Variants in DMD observed in about 807,000 individuals in gnomAD.
DMD encodes dystrophin.
Under a neutral mutation model 330.1 loss-of-function variants are expected in DMD, and 63 were observed. The ratio of observed to expected loss-of-function variants is 0.19; its 90% CI spans 0.16 to 0.24. The LOEUF (loss-of-function observed/expected upper bound fraction) is 0.24. Ranked by LOEUF, DMD falls within the 10% of genes least tolerant of loss-of-function variation. The probability of loss-of-function intolerance (pLI) is 1.00; values close to 1 mark genes in which losing one functional copy is unlikely to be tolerated. For missense variants in DMD, 3,344 were observed against 2,684.1 expected (o/e 1.25, Z -5.43); for synonymous variants, 1,223 against 959.8 (o/e 1.27, Z -5.07).
chrX:32,866,158 G>A (rs2082462042), intron 2 of DMD, among the ~76,000 whole-genome samples: 2 of 112,080 alleles, frequency 1.8e-5, no homozygotes, highest in Admixed American at 1.9e-4. Context: ...TGCCCTAGTT[G>A]TCCCAGATGA....
At chrX:32,226,980 C>T (rs930183774) in intron 43 of DMD, among the ~76,000 whole-genome samples, 3 of 108,180 alleles carry the variant, frequency 2.8e-5, no homozygotes, top group African/African-American at 1.0e-4. Context: ...AAGTTCAACA[C>T]CATCCTAAAA....
chrX:33,116,436 G>C (rs1226857456), intron 1 of DMD, among the ~76,000 whole-genome samples: 1 of 110,670 alleles, frequency 9.0e-6, no homozygotes, highest in Non-Finnish European at 1.9e-5. Flanking sequence ...TTGAACTCAG[G>C]AGGTCAAGGG....
intron 39 of DMD, 67 bp downstream of exon 39, chrX:32,345,876 T>A: frequency 8.8e-7 from 1 of 1,133,736 alleles, no homozygotes; most frequent in Non-Finnish European, 1.2e-6. Flanking sequence ...TTAATGCACA[T>A]TATATTTTAC....
intron 60 of DMD, among the ~76,000 whole-genome samples, chrX:31,370,281 G>C (rs1307789726): frequency 9.0e-6 from 1 of 111,031 alleles, no homozygotes; most frequent in African/African-American, 3.3e-5. Context: ...GAAAACATTT[G>C]AAAACCCTAT....
intron 2 of DMD, among the ~76,000 whole-genome samples, chrX:32,951,691 T>C (rs2091256319): frequency 8.9e-6 from 1 of 111,765 alleles, no homozygotes; most frequent in African/African-American, 3.3e-5. Flanking sequence ...CAAGAAAAAC[T>C]GAAAGAGACT....
Position 32,474,911 on chromosome X carries a change from T to C in DMD, c.2804-2602A>G, listed in dbSNP as rs145902518. 3.3e-3 allele frequency among the ~76,000 whole-genome samples: 373 copies of C among 111,856 alleles called. 3 individuals carry two copies. In the South Asian group the frequency reaches 0.056, roughly 17 times the overall value. On this transcript the variant is annotated intron_variant, in intron 21 of 78. Transcript: ENST00000357033. ...TTTATTACATTTGCTTTTGGGTTCCTGGTCATGAAATCCTTGCCTAAGCCA... is the reference window on the plus strand; with the variant it reads ...TTTATTACATTTGCTTTTGGGTTCCCGGTCATGAAATCCTTGCCTAAGCCA...
chrX:32,367,622 G>A (rs2097858898), intron 34 of DMD, among the ~76,000 whole-genome samples: 1 of 111,842 alleles, frequency 8.9e-6, no homozygotes, highest in Non-Finnish European at 1.9e-5. Context: ...GAACTTAGGG[G>A]ATAATGTTGC....
intron 51 of DMD, among the ~76,000 whole-genome samples, chrX:31,763,985 G>A (rs761777684): frequency 9.0e-6 from 1 of 111,155 alleles, no homozygotes; most frequent in East Asian, 2.8e-4. Context: ...AAGAGATCAT[G>A]TCACCTCAGC....
intron 7 of DMD, among the ~76,000 whole-genome samples, chrX:32,724,986 G>A (rs141379267): frequency 0.023 from 2,517 of 111,553 alleles, 34 homozygotes; most frequent in Middle Eastern, 0.033. Context: ...AGCTTAGTGC[G>A]TAAATAACAC....
At chrX:32,852,853 T>G (rs1181225775) in intron 2 of DMD, among the ~76,000 whole-genome samples, 2 of 109,912 alleles carry the variant, frequency 1.8e-5, no homozygotes, top group Non-Finnish European at 3.8e-5. Context: ...TATTGTGGCT[T>G]GGGTGCCAGC....
chrX:32,051,300 C>T (rs988201751), intron 44 of DMD, among the ~76,000 whole-genome samples: 3 of 110,271 alleles, frequency 2.7e-5, no homozygotes. Context: ...GAAAAAATAA[C>T]CCCATAATTT....
chrX:32,721,520 C>T (rs184244678), intron 7 of DMD, among the ~76,000 whole-genome samples: 1 of 110,186 alleles, frequency 9.1e-6, no homozygotes, highest in Non-Finnish European at 1.9e-5. Context: ...AAAAAATGTT[C>T]AAGTTCTTTC....
chrX:31,660,649 G>T (rs1287474147), intron 53 of DMD, among the ~76,000 whole-genome samples: 2 of 110,225 alleles, frequency 1.8e-5, no homozygotes, highest in African/African-American at 6.6e-5. Context: ...TACTTATGAT[G>T]GACCAGTATC....
intron 1 of DMD, among the ~76,000 whole-genome samples, chrX:33,025,316 T>C (rs991881742): frequency 1.8e-5 from 2 of 111,658 alleles, no homozygotes; most frequent in Non-Finnish European, 3.8e-5. Flanking sequence ...TCATTCATTA[T>C]GCAATTCTGT....
intron 43 of DMD, among the ~76,000 whole-genome samples, chrX:32,276,878 T>C (rs1293831821): frequency 9.2e-6 from 1 of 108,998 alleles, no homozygotes; most frequent in African/African-American, 3.4e-5. Flanking sequence ...TGAGATCCTG[T>C]CACAGCACTC....
At chrX:33,225,345 T>A (rs1173165303) in intron 1 of DMD, among the ~76,000 whole-genome samples, 1 of 111,579 alleles carries the variant, frequency 9.0e-6, no homozygotes, top group Non-Finnish European at 1.9e-5. Context: ...GATAGTGTGG[T>A]GTTGGTGTTG....
intron 17 of DMD, among the ~76,000 whole-genome samples, chrX:32,535,232 G>A (rs1040978852): frequency 1.8e-5 from 2 of 111,408 alleles, no homozygotes; most frequent in African/African-American, 3.3e-5. Flanking sequence ...GAAGATGCAC[G>A]GCCAGAACCC....
intron 9 of DMD, among the ~76,000 whole-genome samples, chrX:32,645,927 C>G (rs1188002229): frequency 9.0e-6 from 1 of 111,664 alleles, no homozygotes; most frequent in African/African-American, 3.3e-5. Context: ...TCCAGGGTAC[C>G]TGTTAAAAAA....
chrX:31,169,075 T>G (rs1422289556), intron 74 of DMD, among the ~76,000 whole-genome samples: 3 of 111,750 alleles, frequency 2.7e-5, no homozygotes, highest in Non-Finnish European at 5.6e-5. Flanking sequence ...TTGAGGTAGA[T>G]AATATGGCCA....
Sources: allele counts gnomAD v4.1 joint callset (sites outside exome capture counted in the v4.1 genomes callset), GRCh38; gene constraint gnomAD v4.1.1; transcripts MANE v1.5; gene names NCBI Gene and HGNC (gene_info 2026-07-23, HGNC 2026-07-21).